Variants in ARHGEF4 observed in about 807,000 individuals in gnomAD.
The protein encoded by ARHGEF4 is Rho guanine nucleotide exchange factor 4.
ARHGEF4 carries 119 observed loss-of-function variants against 162.0 expected under a neutral mutation model. The ratio of observed to expected loss-of-function variants is 0.73; its 90% CI spans 0.63 to 0.86. ARHGEF4 has a LOEUF of 0.86. ARHGEF4 is among the 40% of genes least tolerant of loss of function. The probability of loss-of-function intolerance (pLI) is 0.00; values close to 1 mark genes in which losing one functional copy is unlikely to be tolerated. For synonymous variants in ARHGEF4, 1,014 were observed against 979.9 expected (o/e 1.03, Z -0.65); for missense variants, 2,488 against 2,456.0 (o/e 1.01, Z -0.28).
intron 1 of ARHGEF4, among the ~76,000 whole-genome samples, chr2:130,909,127 C>A (rs570480077): frequency 2.0e-5 from 3 of 152,088 alleles, no homozygotes; most frequent in African/African-American, 7.2e-5. Context: ...AACGCATGCC[C>A]CTACCCTGTG....
At chr2:130,903,549 C>T (rs370052558) in intron 1 of ARHGEF4, among the ~76,000 whole-genome samples, 1 of 152,080 alleles carries the variant, frequency 6.6e-6, no homozygotes, top group Admixed American at 6.6e-5. Flanking sequence ...TGAGCCACCG[C>T]ACCTGACTGA....
chr2:130,927,822 A>C (rs1245329260), intron 2 of ARHGEF4, among the ~76,000 whole-genome samples: 1 of 152,194 alleles, frequency 6.6e-6, no homozygotes, highest in Non-Finnish European at 1.5e-5. Context: ...TTTGTTTTAT[A>C]CATAATGTCT....
At chr2:130,877,972 C>T (rs1328774425) in intron 1 of ARHGEF4, among the ~76,000 whole-genome samples, 1 of 152,092 alleles carries the variant, frequency 6.6e-6, no homozygotes, top group Admixed American at 6.6e-5. Flanking sequence ...CTTGTTTGAG[C>T]CTTGTACGGT....
At chr2:131,021,329 A>G (rs1287923732) in intron 4 of ARHGEF4, among the ~76,000 whole-genome samples, 2 of 152,182 alleles carry the variant, frequency 1.3e-5, no homozygotes, top group African/African-American at 2.4e-5. Flanking sequence ...AATGCCCCAT[A>G]TCTACAACTA....
chr2:130,989,038 T>G (rs1301826251), intron 4 of ARHGEF4, among the ~76,000 whole-genome samples: 1 of 152,106 alleles, frequency 6.6e-6, no homozygotes, highest in Non-Finnish European at 1.5e-5. Flanking sequence ...CTTGGCTCAC[T>G]GCAACCTCCA....
intron 4 of ARHGEF4, among the ~76,000 whole-genome samples, chr2:130,986,773 C>T (rs962919560): frequency 1.3e-5 from 2 of 152,204 alleles, no homozygotes; most frequent in African/African-American, 4.8e-5. Flanking sequence ...TTAGTCACTT[C>T]ATAATTGTCT....
At chr2:130,866,734 A>G (rs1371044817) in intron 1 of ARHGEF4, among the ~76,000 whole-genome samples, 1 of 152,190 alleles carries the variant, frequency 6.6e-6, no homozygotes, top group Non-Finnish European at 1.5e-5. Flanking sequence ...CCACTTGGTC[A>G]TGGTGTACAA....
At chr2:130,903,926 C>G (rs544142647) in intron 1 of ARHGEF4, among the ~76,000 whole-genome samples, 1 of 152,320 alleles carries the variant, frequency 6.6e-6, no homozygotes, top group South Asian at 2.1e-4. Flanking sequence ...CAGCCCACCA[C>G]TGATGGGCAC....
At chr2:130,846,943 A>G (rs1056774404) in intron 1 of ARHGEF4, among the ~76,000 whole-genome samples, 11 of 152,206 alleles carry the variant, frequency 7.2e-5, no homozygotes, top group South Asian at 2.1e-4. Context: ...GCAGATACAC[A>G]GAGTGTGTTT....
chr2:130,906,277 A>C (rs1334977196), intron 1 of ARHGEF4, among the ~76,000 whole-genome samples: 3 of 152,218 alleles, frequency 2.0e-5, no homozygotes, highest in African/African-American at 7.2e-5. Flanking sequence ...GTTCATAGCC[A>C]CTGTGGTGAC....
chr2:130,885,505 T>C (rs572484295), intron 1 of ARHGEF4, among the ~76,000 whole-genome samples: 1 of 151,848 alleles, frequency 6.6e-6, no homozygotes, highest in Admixed American at 6.6e-5. Flanking sequence ...CACACATGCT[T>C]TTTGTAGTGG....
chr2:131,017,124 T>C (rs1688815817), intron 4 of ARHGEF4, among the ~76,000 whole-genome samples: 1 of 152,208 alleles, frequency 6.6e-6, no homozygotes, highest in South Asian at 2.1e-4. Flanking sequence ...GGCCATGTTG[T>C]TTTTGTTCAT....
chr2:131,043,802 G>C (rs1410514627), intron 11 of ARHGEF4: 1 of 594,488 alleles, frequency 1.7e-6, no homozygotes, highest in Non-Finnish European at 2.9e-6. Context: ...GGGTGCTGTT[G>C]AGAGCATGAT....
chr2:130,920,347 TAGTA>T (rs1327367937), intron 2 of ARHGEF4, among the ~76,000 whole-genome samples: 6 of 152,218 alleles, frequency 3.9e-5, no homozygotes, highest in Non-Finnish European at 7.3e-5. Flanking sequence ...TTTTAACAAA[TAGTA>T]AGTGAGATGA....
chr2:130,894,412 C>G (rs983587761), intron 1 of ARHGEF4, among the ~76,000 whole-genome samples: 2 of 152,002 alleles, frequency 1.3e-5, no homozygotes, highest in Non-Finnish European at 2.9e-5. Flanking sequence ...GAGTTCAGAG[C>G]CCCTGGGTTG....
At chr2:130,977,661 G>A (rs770759702) in intron 4 of ARHGEF4, among the ~76,000 whole-genome samples, 59 of 152,020 alleles carry the variant, frequency 3.9e-4, no homozygotes, top group Non-Finnish European at 6.9e-4. Context: ...TGTCGTGTAT[G>A]TATGGTGTGT....
intron 4 of ARHGEF4, among the ~76,000 whole-genome samples, chr2:130,961,468 C>T (rs1409482855): frequency 6.6e-6 from 1 of 152,138 alleles, no homozygotes; most frequent in Non-Finnish European, 1.5e-5. Flanking sequence ...AGCAAGGTGG[C>T]GGCTGTGGCA....
At chr2:130,854,846 TTTTATTTATTTATTTA>T (rs58855269) in intron 1 of ARHGEF4, among the ~76,000 whole-genome samples, 6 of 140,314 alleles carry the variant, frequency 4.3e-5, no homozygotes, top group East Asian at 2.1e-4. Flanking sequence ...GGAGTCTGAC[TTTTATTTATTTATTTA>T]TTTATTTATT....
intron 1 of ARHGEF4, among the ~76,000 whole-genome samples, chr2:130,837,933 A>T (rs368936650): frequency 1.3e-5 from 2 of 152,228 alleles, no homozygotes; most frequent in East Asian, 3.8e-4. Flanking sequence ...TTGAGGTCGG[A>T]GTTCTGTGGC....
Sources: allele counts gnomAD v4.1 joint callset (sites outside exome capture counted in the v4.1 genomes callset), GRCh38; gene constraint gnomAD v4.1.1; transcripts MANE v1.5; gene names NCBI Gene and HGNC (gene_info 2026-07-23, HGNC 2026-07-21).